The following USP7 variants were observed in gnomAD, a reference collection of about 807,000 sequenced individuals.
USP7 encodes ubiquitin C-terminal hydrolase 7.
In USP7, 9 loss-of-function variants were observed where a neutral mutation model predicts 162.9. That is an observed-to-expected ratio of 0.06 (90% CI 0.03 to 0.10). USP7 has a LOEUF of 0.10. USP7 is among the 10% of genes least tolerant of loss of function. The pLI, the probability that USP7 is intolerant of heterozygous loss-of-function variation, is 1.00. For missense variants in USP7, 715 were observed against 1,373.7 expected (o/e 0.52, Z 7.58); for synonymous variants, 562 against 475.9 (o/e 1.18, Z -2.35).
At chr16:8,928,527 TGAA>T (rs1181740797) in intron 2 of USP7, among the ~76,000 whole-genome samples, 1 of 152,228 alleles carries the variant, frequency 6.6e-6, no homozygotes, top group African/African-American at 2.4e-5. Flanking sequence ...ACTTATCCCC[TGAA>T]GAAGAGGATT....
chr16:8,899,049 T>C, intron 23 of USP7, 72 bp downstream of exon 23: 1 of 1,486,392 alleles, frequency 6.7e-7, no homozygotes, highest in Non-Finnish European at 9.3e-7. Flanking sequence ...TTAAAATTAG[T>C]TCCAAGATGT....
intron 1 of USP7, chr16:8,935,720 A>G (rs964967897): frequency 6.6e-6 from 1 of 152,324 alleles, no homozygotes; most frequent in East Asian, 1.9e-4. Context: ...TTTTAACGCA[A>G]TATGTATATG....
intron 1 of USP7, chr16:8,936,561 T>A (rs1398590667): frequency 1.3e-6 from 2 of 1,526,446 alleles, no homozygotes; most frequent in Non-Finnish European, 1.7e-6. Flanking sequence ...CATAAGGAGC[T>A]CAACCTGAAA....
At chr16:8,919,795 G>A (rs146365980) in intron 5 of USP7, among the ~76,000 whole-genome samples, 179 of 149,274 alleles carry the variant, frequency 1.2e-3, no homozygotes, top group Non-Finnish European at 2.0e-3. Flanking sequence ...CTGAACACAC[G>A]ACCGTCACCA....
At position 8,895,189 on chromosome 16, in the gene USP7, A is replaced by C. The variant is rs757686631; in HGVS notation, c.2920-39T>G. 3.7e-6 allele frequency: 6 copies of C among 1,613,770 alleles called. No individual in the cohort carries two copies. In the South Asian group the frequency reaches 4.4e-5, roughly 12 times the overall value. ...CAACAGACACAGTTCTGTAAGTGCA[A>C]GTGATGTGGTCAAAGTGTCCACATC... On this transcript the variant is annotated intron_variant, in intron 27 of 30. Transcript: ENST00000344836.
chr16:8,925,356 C>G (rs988974760), intron 2 of USP7, among the ~76,000 whole-genome samples: 1 of 152,146 alleles, frequency 6.6e-6, no homozygotes, highest in African/African-American at 2.4e-5. Flanking sequence ...GTATACAGAA[C>G]TGCACAGAAG....
chr16:8,894,765 G>A lies in USP7; in HGVS notation c.3111+19C>T. On this transcript the variant is annotated intron_variant, in intron 29 of 30. Coordinates refer to ENST00000344836, the MANE Select transcript of USP7 (RefSeq NM_003470.3). ...GAGCCTATGGCCCGCCAAGCCCCCA[G>A]GAGGCCCCAGCTGCACACCTTCTCA... The A allele has an allele frequency of 6.2e-7, 1 of 1,614,220 alleles. No individual in the cohort carries two copies. The highest frequency in any genetic ancestry group is 8.5e-7 in the Non-Finnish European group (1 of 1,180,040).
intron 1 of USP7, among the ~76,000 whole-genome samples, chr16:8,961,374 C>T (rs1216042175): frequency 6.6e-6 from 1 of 151,810 alleles, no homozygotes; most frequent in Admixed American, 6.6e-5. Context: ...TGGCTGTAAT[C>T]CCAGCTACTT....
chr16:8,900,035 T>A (rs2437726), intron 21 of USP7: 172,781 of 506,568 alleles, frequency 0.34, 29,954 homozygotes, highest in South Asian at 0.44. Flanking sequence ...TGCTCTCCTC[T>A]ACAGGAGCAG....
At chr16:8,956,073 TAAC>T (rs1596417427) in intron 1 of USP7, among the ~76,000 whole-genome samples, 1 of 152,164 alleles carries the variant, frequency 6.6e-6, no homozygotes, top group Non-Finnish European at 1.5e-5. Flanking sequence ...GATGCCAGTT[TAAC>T]AACTTACTGT....
At chr16:8,951,561 G>T (rs949689791) in intron 1 of USP7, among the ~76,000 whole-genome samples, 4 of 152,314 alleles carry the variant, frequency 2.6e-5, no homozygotes, top group Middle Eastern at 3.4e-3. Context: ...TGTAAATGCA[G>T]AGGGCTTGTG....
intron 6 of USP7, among the ~76,000 whole-genome samples, chr16:8,918,291 G>A (rs567267358): frequency 7.9e-5 from 12 of 152,258 alleles, no homozygotes; most frequent in Admixed American, 5.2e-4. Context: ...CCGATTTCCT[G>A]TACTGCTTCA....
rs1247646750 is a variant in USP7, at chr16:8,955,696, T to C, written c.79+7511A>G. Among the ~76,000 whole-genome samples the C allele has an allele frequency of 9.8e-5, 9 of 92,024 alleles. No homozygotes were observed. In the East Asian group the frequency reaches 3.2e-3, roughly 33 times the overall value. 60.4% of individuals were successfully genotyped at this position (92,024 alleles called of 152,430 possible). On this transcript the variant is annotated intron_variant, in intron 1 of 30. Transcript: ENST00000344836. Reference sequence around the variant, plus strand: ...ACTCCAGCCTGGCAACAGAGCACGATTCCATCTCAAAAAAAAAAAAAAAAA... The same window carrying C: ...ACTCCAGCCTGGCAACAGAGCACGACTCCATCTCAAAAAAAAAAAAAAAAA...
rs532142683 is a variant in USP7 at position 8,900,000 on chromosome 16, C to T, written c.2310-243G>A. On this transcript the variant is annotated intron_variant, in intron 21 of 30. Coordinates refer to ENST00000344836, the MANE Select transcript of USP7 (RefSeq NM_003470.3). ...TTTACATTCTCATCCCACTACAAAA[C>T]AAAACCCCCTTAGGTAACAGCACCT... The T allele has an allele frequency of 1.0e-5, 6 of 577,054 alleles. No individual in the cohort carries two copies. In the African/African-American group the frequency reaches 1.1e-4, roughly 11 times the overall value. 35.7% of individuals were successfully genotyped at this position (577,054 alleles called of 1,614,324 possible). A position where few individuals can be genotyped will look rare whatever the true frequency, so the allele number is the denominator to read the frequency against.
At chr16:8,920,905 T>A (rs1897656341) in intron 4 of USP7, among the ~76,000 whole-genome samples, 1 of 152,246 alleles carries the variant, frequency 6.6e-6, no homozygotes. Flanking sequence ...AACAGCATTA[T>A]GTCTTTTAAA....
At chr16:8,917,617 G>A (rs1897446344) in intron 6 of USP7, among the ~76,000 whole-genome samples, 1 of 152,174 alleles carries the variant, frequency 6.6e-6, no homozygotes, top group Admixed American at 6.5e-5. Flanking sequence ...GACCTCAGGG[G>A]ATCTGCCCAC....
intron 14 of USP7, 47 bp downstream of exon 14, chr16:8,905,140 C>A (rs372540383): frequency 1.1e-4 from 176 of 1,592,778 alleles, no homozygotes; most frequent in Non-Finnish European, 1.4e-4. Context: ...GTACAAATGT[C>A]CAAGTCCACC....
In USP7 at chr16:8,895,058, T is replaced by G. The variant is rs2061660350; in HGVS notation, c.3012A>C (p.Gly1004=). The part of the protein sequence containing the change: ...HFHKEVFGTF[G]IPFLLRIHQG... ...GGTGTATCCTCAGCAAAAACGGGAT[T>G]CCGAACGTTCCGAAGACCTCTTTGT... is the stretch of plus-strand genomic sequence containing the variant. The change falls in exon 28 of 31, where the codon GGA becomes GGC. Residue 1004 remains glycine (G), a synonymous_variant. Coordinates refer to ENST00000344836, the MANE Select transcript of USP7 (RefSeq NM_003470.3). 1 of 1,614,110 alleles carries G rather than the reference T, an allele frequency of 6.2e-7. No individual in the cohort carries two copies. Among genetic ancestry groups the G allele is most frequent in the African/African-American group, 1.3e-5 (1 of 74,930 alleles).
At chr16:8,902,348 T>C (rs773149870) in intron 17 of USP7, 33 bp downstream of exon 17, 2 of 1,609,856 alleles carry the variant, frequency 1.2e-6, no homozygotes, top group East Asian at 2.2e-5. Flanking sequence ...TTCTGCACGG[T>C]TCCAAACCAG....
Sources: gnomAD v4.1 joint callset for allele counts (sites outside exome capture counted in the v4.1 genomes callset) on GRCh38, gnomAD v4.1.1 for gene constraint, MANE v1.5 for transcripts, NCBI Gene and HGNC (gene_info 2026-07-23, HGNC 2026-07-21) for gene names.